Variants in ERCC6 observed in about 807,000 individuals in gnomAD.
ERCC6 encodes the protein ERCC excision repair 6, chromatin remodeling factor.
Under a neutral mutation model 158.7 loss-of-function variants are expected in ERCC6, and 116 were observed. That is an observed-to-expected ratio of 0.73 (90% CI 0.63 to 0.85). The LOEUF (loss-of-function observed/expected upper bound fraction) is 0.85. Ranked by LOEUF, ERCC6 falls within the 40% of genes least tolerant of loss-of-function variation. The pLI is 0.00. For missense variants in ERCC6, 1,698 were observed against 1,799.4 expected (o/e 0.94, Z 1.02); for synonymous variants, 678 against 659.3 (o/e 1.03, Z -0.43).
intron 18 of ERCC6, among the ~76,000 whole-genome samples, chr10:49,464,801 C>T (rs1333178277): frequency 6.6e-6 from 1 of 152,200 alleles, no homozygotes; most frequent in Non-Finnish European, 1.5e-5. Flanking sequence ...GCACAGAAGT[C>T]AATAACTGAG....
At chr10:49,449,016 A>G in the ERCC6 span, among the ~76,000 whole-genome samples, 1 of 152,250 alleles carries the variant, frequency 6.6e-6, no homozygotes, top group South Asian at 2.1e-4. Flanking sequence ...TTTCTAGGTC[A>G]TAGGCTAGCT....
intron 6 of ERCC6, chr10:49,504,465 A>G (rs1851410834): frequency 6.6e-6 from 1 of 152,146 alleles, no homozygotes; most frequent in Admixed American, 6.6e-5. Context: ...TTGCTAGAAA[A>G]TCTGACATTT....
chr10:49,435,062 A>T, the ERCC6 span, among the ~76,000 whole-genome samples: 1 of 152,340 alleles, frequency 6.6e-6, no homozygotes, highest in East Asian at 1.9e-4. Context: ...GACAAAATAA[A>T]CAAGACAAAA....
Position 49,493,110 on chromosome 10 carries a change from G to T in ERCC6, c.1821+7C>A, listed in dbSNP as rs4253132. 1.8e-5 allele frequency: 29 copies of T among 1,613,700 alleles called. No homozygotes were observed. The highest frequency in any genetic ancestry group is 1.6e-4 in the Middle Eastern group (1 of 6,082). On this transcript the variant is annotated splice_region_variant and intron_variant, in intron 8 of 20. Coordinates refer to ENST00000355832, the MANE Select transcript of ERCC6 (RefSeq NM_000124.4). ...CAAAACAAAAAGGTACTGAAATATT[G>T]TGTTACCTTTTTGTGGGTATAGGAA...
chr10:49,443,656 T>C, the ERCC6 span, among the ~76,000 whole-genome samples: 1 of 152,244 alleles, frequency 6.6e-6, no homozygotes, highest in Non-Finnish European at 1.5e-5. Flanking sequence ...AAGTGTCCTA[T>C]AGGGGTGTAC....
chr10:49,474,978 C>T (rs1227830168), intron 12 of ERCC6, among the ~76,000 whole-genome samples: 1 of 152,138 alleles, frequency 6.6e-6, no homozygotes, highest in Non-Finnish European at 1.5e-5. Context: ...AGCCAATAAT[C>T]AAAGGGTAGG....
intron 5 of ERCC6, chr10:49,517,208 A>G (rs1837005380): frequency 6.7e-7 from 1 of 1,483,642 alleles, no homozygotes; most frequent in Non-Finnish European, 9.0e-7. Context: ...TGTCAAACCC[A>G]TAACTAATGC....
At chr10:49,464,798 A>G (rs1220812109) in intron 18 of ERCC6, among the ~76,000 whole-genome samples, 1 of 152,248 alleles carries the variant, frequency 6.6e-6, no homozygotes, top group African/African-American at 2.4e-5. Flanking sequence ...GGTGCACAGA[A>G]GTCAATAACT....
At chr10:49,531,698 A>T (rs1837472559) in intron 2 of ERCC6, among the ~76,000 whole-genome samples, 1 of 152,200 alleles carries the variant, frequency 6.6e-6, no homozygotes, top group Non-Finnish European at 1.5e-5. Flanking sequence ...AAAAGAACAC[A>T]CCAGGGAATG....
chr10:49,491,906 T>C (rs578081705), intron 8 of ERCC6, among the ~76,000 whole-genome samples: 168 of 152,328 alleles, frequency 1.1e-3, no homozygotes, highest in Non-Finnish European at 1.8e-3. Flanking sequence ...AGTGACAGGA[T>C]AGTTTAAGGT....
At chr10:49,508,097 A>C (rs1590444024) in intron 5 of ERCC6, among the ~76,000 whole-genome samples, 1 of 152,300 alleles carries the variant, frequency 6.6e-6, no homozygotes, top group East Asian at 1.9e-4. Flanking sequence ...CTGCATAACA[A>C]AGGATACTTG....
chr10:49,471,414 T>C (rs973306518), intron 16 of ERCC6, among the ~76,000 whole-genome samples: 4 of 152,208 alleles, frequency 2.6e-5, no homozygotes, highest in African/African-American at 9.6e-5. Context: ...CATGCCATCA[T>C]GTGACTCATA....
intron 4 of ERCC6, among the ~76,000 whole-genome samples, chr10:49,526,115 T>TTATATA (rs780309557): frequency 1.6e-4 from 17 of 105,430 alleles, no homozygotes; most frequent in African/African-American, 6.5e-4. Flanking sequence ...ATTTATATAT[T>TTATATA]TTTATATATA....
At chr10:49,516,030 T>C in intron 5 of ERCC6, 1 of 1,614,184 alleles carries the variant, frequency 6.2e-7, no homozygotes, top group Non-Finnish European at 8.5e-7. Context: ...ACTGAGCTTA[T>C]CAAGAAGTGC....
At chr10:49,476,367 A>G in intron 11 of ERCC6, 57 bp from the exon 12 acceptor site, 1 of 1,197,946 alleles carries the variant, frequency 8.3e-7, no homozygotes, top group Non-Finnish European at 1.2e-6. Context: ...AACAGAAATA[A>G]TTAAAATATC....
chr10:49,494,469 C>T (rs1231094820), intron 7 of ERCC6, among the ~76,000 whole-genome samples: 2 of 152,164 alleles, frequency 1.3e-5, no homozygotes, highest in Non-Finnish European at 2.9e-5. Context: ...TTTCCTTAGA[C>T]ATAGGTATAC....
chr10:49,460,189 G>C, intron 20 of ERCC6, 184 bp downstream of exon 20: 2 of 641,670 alleles, frequency 3.1e-6, no homozygotes, highest in South Asian at 3.6e-5. Context: ...TTTGTCTTTA[G>C]GAAATCAGCA....
rs1025844650 is a variant in ERCC6, at chr10:49,500,657, G to A, written c.1566C>T (p.His522=). 3 of 1,613,952 alleles carry A rather than the reference G, an allele frequency of 1.9e-6. No homozygotes were observed. Among genetic ancestry groups the A allele is most frequent in the Admixed American group, 3.3e-5 (2 of 60,008 alleles). The change falls in exon 7 of 21, where the codon CAC becomes CAT. Residue 522 remains histidine, a synonymous_variant. Coordinates refer to ENST00000355832, the MANE Select transcript of ERCC6 (RefSeq NM_000124.4). The part of the protein sequence containing the change: ...QTGVRWLWEL[H]CQQAGGILGD... ...CCAGAATTCCTCCTGCCTGCTGGCA[G>A]TGCAATTCCCACAGCCACCTAACAC...
At position 49,532,600 on chromosome 10, in the gene ERCC6, C is replaced by A. The variant is rs562828066; in HGVS notation, c.365G>T (p.Arg122Leu). 1 of 1,614,192 alleles carries A rather than the reference C, an allele frequency of 6.2e-7. No individual in the cohort carries two copies. The highest frequency in any genetic ancestry group is 8.5e-7 in the Non-Finnish European group (1 of 1,180,040). Residue 122 changes from arginine (R) to leucine (L), a missense_variant, in exon 2 of 21, where the codon CGT becomes CTT. Transcript: ENST00000355832. Reference protein sequence around the residue: ...QVDNAIHEASRASQLVDVEKE... With the variant: ...QVDNAIHEASLASQLVDVEKE... ...CTCCACGTCAACGAGCTGGGAGGCA[C>A]GGCTGGCCTCATGGATGGCATTGTC...
Sources: gnomAD v4.1 joint callset for allele counts (sites outside exome capture counted in the v4.1 genomes callset) on GRCh38, gnomAD v4.1.1 for gene constraint, MANE v1.5 for transcripts, NCBI Gene and HGNC (gene_info 2026-07-23, HGNC 2026-07-21) for gene names.